ASIC2: variants seen among roughly 807,000 people sequenced by gnomAD.
ASIC2 encodes the protein acid-sensing ion channel 2.
In ASIC2, 25 loss-of-function variants were observed where a neutral mutation model predicts 57.3. That is an observed-to-expected ratio of 0.44 (90% CI 0.32 to 0.61). ASIC2 has a LOEUF of 0.61. Among genes scored for constraint, ASIC2 ranks in the 20% least tolerant of loss-of-function variants. ASIC2 has a pLI of 0.06. For synonymous variants in ASIC2, 319 were observed against 307.5 expected (o/e 1.04, Z -0.39); for missense variants, 641 against 738.1 (o/e 0.87, Z 1.52).
intron 1 of ASIC2, among the ~76,000 whole-genome samples, chr17:33,577,930 A>G (rs967722880): frequency 3.9e-5 from 6 of 152,048 alleles, no homozygotes; most frequent in Admixed American, 3.9e-4. Context: ...AAATGCCATT[A>G]TTAGCATTTT....
At chr17:33,774,830 A>G (rs2142123131) in intron 1 of ASIC2, among the ~76,000 whole-genome samples, 1 of 152,346 alleles carries the variant, frequency 6.6e-6, no homozygotes, top group African/African-American at 2.4e-5. Flanking sequence ...CTTTATGGTC[A>G]GTTCCAGCCA....
intron 1 of ASIC2, among the ~76,000 whole-genome samples, chr17:33,953,493 C>A (rs1285582737): frequency 6.6e-6 from 1 of 151,870 alleles, no homozygotes; most frequent in Non-Finnish European, 1.5e-5. Flanking sequence ...ATTGAATATA[C>A]ATATCACAAT....
At chr17:33,833,900 A>T (rs1027316854) in intron 1 of ASIC2, 2 of 152,108 alleles carry the variant, frequency 1.3e-5, no homozygotes, top group Non-Finnish European at 2.9e-5. Context: ...ACAACAAATG[A>T]TAATAAAAAA....
At chr17:33,578,677 C>A (rs1380564088) in intron 1 of ASIC2, among the ~76,000 whole-genome samples, 1 of 152,184 alleles carries the variant, frequency 6.6e-6, no homozygotes, top group Non-Finnish European at 1.5e-5. Flanking sequence ...TCACTCCCCC[C>A]TCCTCTTCCC....
At chr17:33,872,777 A>G (rs1274314634) in intron 1 of ASIC2, among the ~76,000 whole-genome samples, 2 of 152,142 alleles carry the variant, frequency 1.3e-5, no homozygotes, top group Non-Finnish European at 2.9e-5. Context: ...TTCCTTAGAG[A>G]TACAGAGGCA....
chr17:33,018,101 A>G (rs898711178), intron 7 of ASIC2, among the ~76,000 whole-genome samples: 1 of 152,164 alleles, frequency 6.6e-6, no homozygotes, highest in African/African-American at 2.4e-5. Context: ...CCCTAACCCA[A>G]TCACGGCATG....
intron 6 of ASIC2, 127 bp from the exon 7 acceptor site, chr17:33,021,437 G>T: frequency 1.4e-6 from 1 of 722,862 alleles, no homozygotes; most frequent in Non-Finnish European, 2.3e-6. Flanking sequence ...CTTGCCCAAA[G>T]TTAGAGCTGG....
intron 1 of ASIC2, among the ~76,000 whole-genome samples, chr17:33,522,052 G>A (rs879479409): frequency 3.3e-5 from 5 of 152,166 alleles, no homozygotes; most frequent in East Asian, 1.9e-4. Flanking sequence ...GGTGGGTTCC[G>A]GGGCTGCATA....
chr17:33,683,096 G>A (rs1388588602), intron 1 of ASIC2, among the ~76,000 whole-genome samples: 1 of 152,170 alleles, frequency 6.6e-6, no homozygotes, highest in Non-Finnish European at 1.5e-5. Context: ...AGGTGCTACA[G>A]AAGGATCTGT....
intron 1 of ASIC2, among the ~76,000 whole-genome samples, chr17:33,573,791 C>T (rs1567655293): frequency 1.3e-5 from 2 of 152,182 alleles, no homozygotes; most frequent in Admixed American, 6.5e-5. Flanking sequence ...GTCTCGAACT[C>T]CTGACCTCCG....
chr17:33,923,581 A>G (rs1915755977), intron 1 of ASIC2, among the ~76,000 whole-genome samples: 1 of 152,142 alleles, frequency 6.6e-6, no homozygotes, highest in South Asian at 2.1e-4. Context: ...GGACCTTACA[A>G]TTATTTATAG....
intron 1 of ASIC2, among the ~76,000 whole-genome samples, chr17:33,655,150 G>A (rs960411327): frequency 3.3e-5 from 5 of 152,140 alleles, no homozygotes; most frequent in African/African-American, 1.2e-4. Flanking sequence ...TCACAGTGTT[G>A]TCAAAGAACC....
intron 1 of ASIC2, among the ~76,000 whole-genome samples, chr17:33,401,926 A>G (rs561024550): frequency 6.6e-6 from 1 of 152,228 alleles, no homozygotes; most frequent in African/African-American, 2.4e-5. Context: ...GGAGCTTCAG[A>G]TATGTTTAAA....
intron 1 of ASIC2, among the ~76,000 whole-genome samples, chr17:33,322,454 T>A (rs1906907385): frequency 6.6e-6 from 1 of 152,180 alleles, no homozygotes; most frequent in Non-Finnish European, 1.5e-5. Context: ...TGCAGCATGC[T>A]TCTATTAAGT....
intron 1 of ASIC2, among the ~76,000 whole-genome samples, chr17:33,649,707 C>T (rs529087508): frequency 6.6e-6 from 1 of 152,206 alleles, no homozygotes; most frequent in Admixed American, 6.5e-5. Context: ...GAACAAAGAA[C>T]CAAGAAATTG....
chr17:33,726,489 A>G (rs922583187), intron 1 of ASIC2, among the ~76,000 whole-genome samples: 1 of 152,184 alleles, frequency 6.6e-6, no homozygotes, highest in Admixed American at 6.5e-5. Flanking sequence ...GTGGGGAGAA[A>G]GCCCCATTTT....
At chr17:33,258,411 A>G (rs1909155570) in intron 1 of ASIC2, among the ~76,000 whole-genome samples, 1 of 152,232 alleles carries the variant, frequency 6.6e-6, no homozygotes, top group Non-Finnish European at 1.5e-5. Flanking sequence ...GGTAAGGGAC[A>G]GAGAAGGAGG....
At chr17:34,125,317 G>A (rs757260318) in intron 1 of ASIC2, among the ~76,000 whole-genome samples, 60 of 152,202 alleles carry the variant, frequency 3.9e-4, no homozygotes, top group Admixed American at 2.3e-3. Context: ...GTGTGCGCAT[G>A]TGTGTGTGGT....
At chr17:33,545,891 T>G (rs1174151274) in intron 1 of ASIC2, among the ~76,000 whole-genome samples, 1 of 152,134 alleles carries the variant, frequency 6.6e-6, no homozygotes, top group East Asian at 1.9e-4. Context: ...TCTCCACCAT[T>G]TCCCACTCCA....
Sources: allele counts gnomAD v4.1 joint callset (sites outside exome capture counted in the v4.1 genomes callset), GRCh38; gene constraint gnomAD v4.1.1; transcripts MANE v1.5; gene names NCBI Gene and HGNC (gene_info 2026-07-23, HGNC 2026-07-21).